TNIP3: variants seen among roughly 807,000 people sequenced by gnomAD.
TNIP3 encodes the protein TNFAIP3 interacting protein 3, also known as TNFAIP3-interacting protein 3.
In TNIP3, 34 loss-of-function variants were observed where a neutral mutation model predicts 54.1. The ratio of observed to expected loss-of-function variants is 0.63; its 90% CI spans 0.48 to 0.84. The LOEUF (loss-of-function observed/expected upper bound fraction) is 0.84, where lower values mean the gene tolerates loss of function less well. TNIP3 is among the 40% of genes least tolerant of loss of function. The pLI, the probability that TNIP3 is intolerant of heterozygous loss-of-function variation, is 0.00. For missense variants in TNIP3, 366 were observed against 387.6 expected, an observed-to-expected ratio of 0.94 and a Z score of 0.47; for synonymous variants, 134 against 136.8, an observed-to-expected ratio of 0.98 and a Z score of 0.14.
Position 121,132,299 on chromosome 4 carries a change from T to A in TNIP3, c.*332A>T, listed in dbSNP as rs1232726288. 3.6e-6 allele frequency: 1 copy of A among 276,624 alleles called. No homozygotes were observed. Among genetic ancestry groups the A allele is most frequent in the Non-Finnish European group, 6.8e-6 (1 of 147,380 alleles). 17.1% of individuals were successfully genotyped at this position (276,624 alleles called of 1,614,324 possible). A position where few individuals can be genotyped will look rare whatever the true frequency, so the allele number is the denominator to read the frequency against. Reference sequence around the variant, plus strand: ...CAATATCCCTGCAGCAAACACTGAGTTGCCTAAATCATAGAATCATTTTTG... The same window carrying A: ...CAATATCCCTGCAGCAAACACTGAGATGCCTAAATCATAGAATCATTTTTG... On this transcript the variant is annotated 3_prime_UTR_variant, in exon 11 of 11. Transcript: ENST00000057513.
intron 3 of TNIP3, 143 bp from the exon 4 acceptor site, chr4:121,157,386 G>T: frequency 9.8e-7 from 1 of 1,020,318 alleles, no homozygotes; most frequent in East Asian, 2.4e-5. Flanking sequence ...CCACCGTCCC[G>T]AACACAGATC....
At chr4:121,161,255 G>A (rs995779082) in intron 1 of TNIP3, 39 bp from the exon 2 acceptor site, 40 of 1,510,528 alleles carry the variant, frequency 2.6e-5, no homozygotes, top group Non-Finnish European at 3.5e-5. Context: ...AAACAAAGCT[G>A]TTTACAAAAT....
chr4:121,180,372 C>G (rs1455346687), intron 3 of TNIP3, among the ~76,000 whole-genome samples: 1 of 151,974 alleles, frequency 6.6e-6, no homozygotes, highest in Non-Finnish European at 1.5e-5. Context: ...TGCACTCCAG[C>G]CTGGGCGACA....
At chr4:121,198,404 T>A (rs984980202) in intron 2 of TNIP3, among the ~76,000 whole-genome samples, 11 of 152,214 alleles carry the variant, frequency 7.2e-5, no homozygotes, top group African/African-American at 2.4e-4. Flanking sequence ...ATTTAGATTG[T>A]TTGCTTATGA....
At chr4:121,137,428 A>G (rs181921953) in intron 10 of TNIP3, 1 of 152,250 alleles carries the variant, frequency 6.6e-6, no homozygotes, top group Non-Finnish European at 1.5e-5. Flanking sequence ...GAAAGCAAAG[A>G]AAAAAGAGAG....
chr4:121,154,021 A>C lies in TNIP3; in HGVS notation c.492+530T>G, dbSNP rs775817583. ...AAACAACACACACACACACACACAC[A>C]CCCCTGCATGCACACACGCACACTT... On this transcript the variant is annotated intron_variant, in intron 5 of 10. Transcript: ENST00000057513. 4.6e-5 allele frequency among the ~76,000 whole-genome samples: 7 copies of C among 151,358 alleles called. No individual in the cohort carries two copies. The South Asian group carries it at 1.0e-3, about 23-fold the overall frequency.
intron 7 of TNIP3, among the ~76,000 whole-genome samples, chr4:121,145,546 G>T (rs1044778661): frequency 6.6e-6 from 1 of 151,190 alleles, no homozygotes; most frequent in Non-Finnish European, 1.5e-5. Context: ...TTCTGTAATG[G>T]CAAGGACATT....
chr4:121,148,271 C>A (rs548348844), intron 6 of TNIP3, among the ~76,000 whole-genome samples: 4 of 152,230 alleles, frequency 2.6e-5, no homozygotes, highest in African/African-American at 7.2e-5. Context: ...ATTGCGGGTG[C>A]CTGATTAGAA....
intron 7 of TNIP3, among the ~76,000 whole-genome samples, chr4:121,145,486 T>C (rs1476739225): frequency 3.3e-5 from 5 of 152,020 alleles, no homozygotes; most frequent in African/African-American, 9.7e-5. Context: ...TTGTGGATTA[T>C]AGTATACAAC....
chr4:121,208,569 T>G (rs947049833), intron 2 of TNIP3, among the ~76,000 whole-genome samples: 3 of 152,196 alleles, frequency 2.0e-5, no homozygotes, highest in Non-Finnish European at 4.4e-5. Context: ...CAGATTTGAG[T>G]AAGAATAAAA....
At chr4:121,210,258 C>G (rs1726408552) in intron 2 of TNIP3, among the ~76,000 whole-genome samples, 1 of 152,116 alleles carries the variant, frequency 6.6e-6, no homozygotes, top group Non-Finnish European at 1.5e-5. Context: ...ATTACTATTA[C>G]ATAGAGATAA....
At chr4:121,148,597 C>T (rs1029726794) in intron 6 of TNIP3, among the ~76,000 whole-genome samples, 2 of 152,136 alleles carry the variant, frequency 1.3e-5, no homozygotes, top group African/African-American at 4.8e-5. Context: ...GTGCATATTA[C>T]CCTTATTCTC....
chr4:121,197,709 A>G (rs1372524311), intron 2 of TNIP3, among the ~76,000 whole-genome samples: 1 of 152,144 alleles, frequency 6.6e-6, no homozygotes, highest in Non-Finnish European at 1.5e-5. Flanking sequence ...ACTGGGAATT[A>G]CCCAAGAATT....
At position 121,209,459 on chromosome 4, in the gene TNIP3, C is replaced by T. The variant is rs1254551190; in HGVS notation, c.68+6956G>A. 3.3e-5 allele frequency among the ~76,000 whole-genome samples: 5 copies of T among 152,188 alleles called. No homozygotes were observed. The East Asian group carries it at 7.7e-4, about 24-fold the overall frequency. On this transcript the variant is annotated intron_variant, in intron 2 of 12. Coordinates refer to the TNIP3 transcript ENST00000507879. ...CAACACCAAATTGAATTATTGGACA[C>T]ATAGTTGGCATGGAGAGTTGTGGGA...
chr4:121,137,656 C>T (rs1386947119), intron 10 of TNIP3: 6 of 255,872 alleles, frequency 2.3e-5, no homozygotes, highest in Non-Finnish European at 3.9e-5. Flanking sequence ...TGCAAAACTA[C>T]ATGTGGTGTC....
At chr4:121,154,950 T>A (rs1386265307) in intron 4 of TNIP3, among the ~76,000 whole-genome samples, 5 of 150,806 alleles carry the variant, frequency 3.3e-5, no homozygotes, top group Admixed American at 6.6e-5. Flanking sequence ...AAAAAAAAAA[T>A]CAAAATTCCC....
At chr4:121,185,239 G>A (rs868846061) in intron 2 of TNIP3, among the ~76,000 whole-genome samples, 17 of 152,084 alleles carry the variant, frequency 1.1e-4, no homozygotes, top group Admixed American at 5.9e-4. Flanking sequence ...CGTTTGCATC[G>A]TCAAACTTTA....
intron 2 of TNIP3, chr4:121,182,916 T>A: frequency 1.0e-6 from 1 of 964,534 alleles, no homozygotes. Context: ...CTCTACGATC[T>A]CCCAAACTCT....
chr4:121,206,565 C>A (rs1316271872), intron 2 of TNIP3, among the ~76,000 whole-genome samples: 2 of 104,304 alleles, frequency 1.9e-5, no homozygotes, highest in East Asian at 4.2e-4. Flanking sequence ...CTTTTCTTTT[C>A]TTTTTTGAGG....
Sources: gnomAD v4.1 joint callset for allele counts (sites outside exome capture counted in the v4.1 genomes callset) on GRCh38, gnomAD v4.1.1 for gene constraint, MANE v1.5 for transcripts, NCBI Gene and HGNC (gene_info 2026-07-23, HGNC 2026-07-21) for gene names.